TMX2: variants seen among roughly 807,000 people sequenced by gnomAD.
TMX2 encodes thioredoxin related transmembrane protein 2.
In TMX2, 20 loss-of-function variants were observed where a neutral mutation model predicts 33.4. That is an observed-to-expected ratio of 0.60 (90% CI 0.42 to 0.87). The LOEUF (loss-of-function observed/expected upper bound fraction) is 0.87. TMX2 is among the 40% of genes least tolerant of loss of function. The probability of loss-of-function intolerance (pLI) is 0.00; values close to 1 mark genes in which losing one functional copy is unlikely to be tolerated. For synonymous variants in TMX2, 166 were observed against 140.7 expected, an observed-to-expected ratio of 1.18 and a Z score of -1.27; for missense variants, 340 against 370.7, an observed-to-expected ratio of 0.92 and a Z score of 0.68.
Position 57,738,511 on chromosome 11 carries a change from C to T in TMX2, c.441+81C>T, listed in dbSNP as rs188494721. ...TGTGCTCTCCATTCACTAGGAGGAACAACAGTGCTTCAAAATGGATGTCAC... is the reference window on the plus strand; with the variant it reads ...TGTGCTCTCCATTCACTAGGAGGAATAACAGTGCTTCAAAATGGATGTCAC... On this transcript the variant is annotated intron_variant, in intron 4 of 7. Transcript: ENST00000278422. The T allele has an allele frequency of 1.2e-5, 15 of 1,277,782 alleles. No individual in the cohort carries two copies. In the African/African-American group the frequency reaches 1.9e-4, roughly 16 times the overall value. The allele number at this position is 1,277,782 out of a possible 1,614,324, so 79.2% of individuals were successfully genotyped here.
Position 57,739,185 on chromosome 11 carries a change from CCAAGGTGG to C in TMX2, c.675_682del (p.Lys227AsnfsTer7), listed in dbSNP as rs1360477083. On this transcript the variant is annotated frameshift_variant, in exon 7 of 8. Transcript: ENST00000278422. LOFTEE classifies it high-confidence loss of function. ...AGCAACTCCCTACCCTGATCCTGTT[CCAAGGTGG>C]CAAGGAGGCAATGCGGCGGCCACAG... is the stretch of plus-strand genomic sequence containing the variant. 9 of 1,613,968 alleles carry C rather than the reference CCAAGGTGG, an allele frequency of 5.6e-6. No homozygotes were observed. The African/African-American group carries it at 1.1e-4, about 19-fold the overall frequency.
chr11:57,722,333 AAAAGAT>A (rs1469673342), intron 1 of TMX2, among the ~76,000 whole-genome samples: 2 of 152,060 alleles, frequency 1.3e-5, no homozygotes, highest in Non-Finnish European at 2.9e-5. Context: ...AAGGAGAAGA[AAAAGAT>A]AAAAGAGTTG....
At chr11:57,731,939 A>G (rs661499) in intron 1 of TMX2, among the ~76,000 whole-genome samples, 4 of 152,322 alleles carry the variant, frequency 2.6e-5, no homozygotes, top group Admixed American at 2.6e-4. Flanking sequence ...AGATATAACA[A>G]GAGAAAAAGA....
intron 1 of TMX2, among the ~76,000 whole-genome samples, chr11:57,721,669 T>G (rs1219593280): frequency 6.6e-6 from 1 of 152,196 alleles, no homozygotes; most frequent in Non-Finnish European, 1.5e-5. Context: ...CCAATAAGCC[T>G]TCTTCATGGA....
intron 1 of TMX2, among the ~76,000 whole-genome samples, chr11:57,737,095 T>C (rs1948795938): frequency 6.6e-6 from 1 of 152,160 alleles, no homozygotes; most frequent in African/African-American, 2.4e-5. Flanking sequence ...AAATAGATAC[T>C]GTTCAGTTGA....
intron 1 of TMX2, among the ~76,000 whole-genome samples, chr11:57,719,514 CTTTTTTTT>C (rs1183104624): frequency 4.3e-5 from 3 of 70,510 alleles, no homozygotes; most frequent in African/African-American, 1.7e-4. Context: ...TTTTCTTTGT[CTTTTTTTT>C]TTTTTTTTTT....
chr11:57,728,034 T>C (rs897122252), intron 1 of TMX2, among the ~76,000 whole-genome samples: 2 of 152,226 alleles, frequency 1.3e-5, no homozygotes, highest in Non-Finnish European at 2.9e-5. Context: ...GTCTCATGCC[T>C]CTCTAAAATA....
chr11:57,712,863 T>C (rs1298671769), intron 1 of TMX2, 56 bp downstream of exon 1: 20 of 1,597,212 alleles, frequency 1.3e-5, no homozygotes, highest in Non-Finnish European at 1.6e-5. Flanking sequence ...CCCTTGCAGG[T>C]GTATCTGGGA....
chr11:57,717,510 G>C (rs1396873033), intron 1 of TMX2, among the ~76,000 whole-genome samples: 1 of 152,016 alleles, frequency 6.6e-6, no homozygotes, highest in Non-Finnish European at 1.5e-5. Context: ...AGACCAGCCC[G>C]GCCAACACAG....
chr11:57,738,456 T>A (rs1443671074), intron 4 of TMX2, 26 bp downstream of exon 4: 2 of 1,558,350 alleles, frequency 1.3e-6, no homozygotes, highest in Non-Finnish European at 1.8e-6. Context: ...CCTTTCTGTT[T>A]CTTGGGTCCC....
intron 4 of TMX2, 71 bp downstream of exon 4, chr11:57,738,501 C>A: frequency 7.6e-7 from 1 of 1,314,010 alleles, no homozygotes; most frequent in Non-Finnish European, 1.1e-6. Flanking sequence ...TCTCCATTCA[C>A]TAGGAGGAAC....
chr11:57,740,967 C>T lies in TMX2; in HGVS notation c.*722C>T, dbSNP rs1949046446. On this transcript the variant is annotated 3_prime_UTR_variant, in exon 8 of 8. Transcript: ENST00000278422. ...TCCGTAATAAAAAGATTGGGATTTC[C>T]TTTTGATTGCGCGTTTGTGTGTTTC... 2.6e-5 allele frequency: 4 copies of T among 152,218 alleles called. No individual in the cohort carries two copies. The South Asian group carries it at 8.3e-4, about 31-fold the overall frequency. 9.4% of individuals were successfully genotyped at this position (152,218 alleles called of 1,614,324 possible).
Position 57,738,352 on chromosome 11 carries a change from A to T in TMX2, c.365-2A>T. The stretch of plus-strand genomic sequence containing the variant: ...CCTTCGACATCTTCTTTCTGTATTT[A>T]GTGTTCCTGATGACGTGCAAACCCC... On this transcript the variant is annotated splice_acceptor_variant, in intron 3 of 7. Transcript: ENST00000278422. LOFTEE classifies it high-confidence loss of function. The T allele has an allele frequency of 6.3e-7, 1 of 1,598,050 alleles. No homozygotes were observed. The highest frequency in any genetic ancestry group is 8.6e-7 in the Non-Finnish European group (1 of 1,165,802).
At chr11:57,721,847 C>T (rs2135512009) in intron 1 of TMX2, among the ~76,000 whole-genome samples, 1 of 152,230 alleles carries the variant, frequency 6.6e-6, no homozygotes. Flanking sequence ...CCCACCAATA[C>T]GTGGGGGGCT....
intron 1 of TMX2, among the ~76,000 whole-genome samples, chr11:57,713,688 T>G (rs991500045): frequency 6.6e-6 from 1 of 152,224 alleles, no homozygotes; most frequent in African/African-American, 2.4e-5. Context: ...ATGAGGGAAT[T>G]GCAGGAGAAT....
chr11:57,717,326 C>A (rs891053011), intron 1 of TMX2, among the ~76,000 whole-genome samples: 1 of 152,118 alleles, frequency 6.6e-6, no homozygotes, highest in Non-Finnish European at 1.5e-5. Context: ...GCTGCAATCT[C>A]GGCACTTTGG....
intron 1 of TMX2, among the ~76,000 whole-genome samples, chr11:57,735,873 G>A (rs1329932775): frequency 6.6e-6 from 1 of 152,192 alleles, no homozygotes; most frequent in Non-Finnish European, 1.5e-5. Flanking sequence ...CAGATCCACT[G>A]CATGGTCACT....
In TMX2 at chr11:57,736,752, G is replaced by C. The variant is rs117516581; in HGVS notation, c.190-856G>C. On this transcript the variant is annotated intron_variant, in intron 1 of 7. Coordinates refer to ENST00000278422, the MANE Select transcript of TMX2 (RefSeq NM_015959.4). ...AAAATACAAAAATTAGCCAGGTACA[G>C]TAGTGTGCGCCTGTAGTCCCAGCTA... is the stretch of plus-strand genomic sequence containing the variant. Among the ~76,000 whole-genome samples the C allele has an allele frequency of 5.5e-3, 835 of 152,158 alleles. 15 individuals are homozygous for C. The highest frequency in any genetic ancestry group is 0.031 in the Admixed American group (473 of 15,278).
Position 57,740,207 on chromosome 11 carries a change from A to T in TMX2, c.853A>T (p.Thr285Ser). The stretch of plus-strand genomic sequence containing the variant: ...GGAGCAGCCTGTGGCTTCAACCCCC[A>T]CCACAGTGTCAGATGGGGAAAACAA... ...PEEQPVASTPTTVSDGENKKD... is the reference protein window; with the variant it reads ...PEEQPVASTPSTVSDGENKKD... The change falls in exon 8 of 8, where the codon ACC becomes TCC. Residue 285 changes from threonine (T) to serine (S), a missense_variant. By Grantham distance (58) the Thr-to-Ser change is moderately conservative (BLOSUM62 1). Around this residue, in one of 3 missense-constraint regions of TMX2, gnomAD observed 209 missense variants for 241.6 expected, o/e 0.87. Coordinates refer to ENST00000278422, the MANE Select transcript of TMX2 (RefSeq NM_015959.4). The T allele has an allele frequency of 1.2e-6, 2 of 1,612,158 alleles. No homozygotes were observed. Among genetic ancestry groups the T allele is most frequent in the Non-Finnish European group, 1.7e-6 (2 of 1,179,418 alleles).
Sources: allele counts gnomAD v4.1 joint callset (sites outside exome capture counted in the v4.1 genomes callset), GRCh38; gene constraint gnomAD v4.1.1; regional missense constraint gnomAD v4.1.1; transcripts MANE v1.5; gene names NCBI Gene and HGNC (gene_info 2026-07-23, HGNC 2026-07-21).